The following APCDD1L variants were observed in gnomAD, a reference collection of about 807,000 sequenced individuals.
The protein encoded by APCDD1L is APC down-regulated 1 like, also known as protein APCDD1-like.
APCDD1L carries 21 observed loss-of-function variants against 24.2 expected under a neutral mutation model. The observed-to-expected ratio is 0.87, with a 90% confidence interval of 0.61 to 1.25. APCDD1L has a LOEUF of 1.25. Ranked by LOEUF, APCDD1L falls within the 50% of genes most tolerant of loss-of-function variation. The pLI is 0.00. For missense variants in APCDD1L, 704 were observed against 711.7 expected (o/e 0.99, Z 0.12); for synonymous variants, 321 against 323.6 (o/e 0.99, Z 0.09).
At chr20:58,479,823 G>A (rs143093795) in intron 1 of APCDD1L, among the ~76,000 whole-genome samples, 187 of 152,222 alleles carry the variant, frequency 1.2e-3, no homozygotes, top group Non-Finnish European at 2.2e-3. Context: ...CCCTGGCTGC[G>A]TGGCCATTAA....
At chr20:58,510,480 C>G (rs1224094841) in intron 1 of APCDD1L, among the ~76,000 whole-genome samples, 1 of 152,158 alleles carries the variant, frequency 6.6e-6, no homozygotes, top group Non-Finnish European at 1.5e-5. Flanking sequence ...TTCCAGGTGC[C>G]TGACACCACA....
In APCDD1L at chr20:58,514,719, T is replaced by G; in HGVS notation, c.-12A>C. 1 of 1,304,758 alleles carries G rather than the reference T, an allele frequency of 7.7e-7. No homozygotes were observed. Among genetic ancestry groups the G allele is most frequent in the Non-Finnish European group, 9.8e-7 (1 of 1,019,254 alleles). The allele number at this position is 1,304,758 out of a possible 1,614,324, so 80.8% of individuals were successfully genotyped here. A position where few individuals can be genotyped will look rare whatever the true frequency, so the allele number is the denominator to read the frequency against. On this transcript the variant is annotated 5_prime_UTR_variant, in exon 1 of 4. Transcript: ENST00000371149. Reference sequence around the variant, plus strand: ...ATGGCTGCGGGCATCCCGTCGGGGCTGGCAGGACCGCCCGCCGGGCGCTGC... The same window carrying G: ...ATGGCTGCGGGCATCCCGTCGGGGCGGGCAGGACCGCCCGCCGGGCGCTGC...
At chr20:58,482,685 G>C (rs918955759) in intron 1 of APCDD1L, among the ~76,000 whole-genome samples, 7 of 152,152 alleles carry the variant, frequency 4.6e-5, no homozygotes, top group Non-Finnish European at 1.0e-4. Context: ...CACATTCATG[G>C]ATCTGCTCGA....
intron 1 of APCDD1L, among the ~76,000 whole-genome samples, chr20:58,491,873 C>G (rs897326889): frequency 3.9e-5 from 6 of 152,122 alleles, no homozygotes; most frequent in Non-Finnish European, 8.8e-5. Context: ...AAAAGATAAA[C>G]AAATTGACCA....
intron 1 of APCDD1L, among the ~76,000 whole-genome samples, chr20:58,503,704 C>T (rs1446695594): frequency 1.3e-5 from 2 of 152,130 alleles, no homozygotes; most frequent in African/African-American, 2.4e-5. Flanking sequence ...CAGGGGTGTA[C>T]AGCACATATA....
chr20:58,506,499 T>C (rs1473510392), intron 1 of APCDD1L, among the ~76,000 whole-genome samples: 1 of 152,178 alleles, frequency 6.6e-6, no homozygotes, highest in Non-Finnish European at 1.5e-5. Flanking sequence ...GACACTCTTA[T>C]CTACTCAAGC....
intron 1 of APCDD1L, among the ~76,000 whole-genome samples, chr20:58,478,227 C>G (rs1989949384): frequency 6.6e-6 from 1 of 152,122 alleles, no homozygotes; most frequent in Non-Finnish European, 1.5e-5. Context: ...TCAGTCCCAT[C>G]CCTGAAACTG....
At chr20:58,498,466 A>G (rs1990366838) in intron 1 of APCDD1L, among the ~76,000 whole-genome samples, 1 of 152,244 alleles carries the variant, frequency 6.6e-6, no homozygotes, top group Non-Finnish European at 1.5e-5. Flanking sequence ...AAGAAAGAAA[A>G]AAAGGATTCT....
Position 58,515,358 on chromosome 20 carries a change from C to CA in APCDD1L, c.-652dup. 5.8e-6 allele frequency: 2 copies of CA among 344,028 alleles called. No individual in the cohort carries two copies. The highest frequency in any genetic ancestry group is 1.0e-5 in the Non-Finnish European group (2 of 192,104). The allele number at this position is 344,028 out of a possible 1,614,324, so 21.3% of individuals were successfully genotyped here. ...GGCCTCTGTCTGTAAATGAGGCCGT[C>CA]ACCCGCTCCCCACCACACCCAAACG... is the stretch of plus-strand genomic sequence containing the variant. On this transcript the variant is annotated 5_prime_UTR_variant, in exon 1 of 4. It removes the in-frame stop codon of an upstream open reading frame in the 5' UTR. Transcript: ENST00000371149.
At chr20:58,462,304 C>T (rs1989624077) in intron 3 of APCDD1L, among the ~76,000 whole-genome samples, 1 of 152,110 alleles carries the variant, frequency 6.6e-6, no homozygotes, top group Non-Finnish European at 1.5e-5. Flanking sequence ...GGAGCTGAGA[C>T]CCAGAGGGCC....
At position 58,497,709 on chromosome 20, in the gene APCDD1L, T is replaced by C. The variant is rs1323596707; in HGVS notation, c.49+16950A>G. Among the ~76,000 whole-genome samples, 1 of 152,136 alleles carries C rather than the reference T, an allele frequency of 6.6e-6. No homozygotes were observed. The highest frequency in any genetic ancestry group is 2.4e-5 in the African/African-American group (1 of 41,414). On this transcript the variant is annotated intron_variant, in intron 1 of 3. Coordinates refer to ENST00000371149, the MANE Select transcript of APCDD1L (RefSeq NM_153360.3). This position sits in a 1 kb window ranked among gnomAD's most constrained non-coding sequence, Gnocchi z 4.3. Reference sequence around the variant, plus strand: ...GCAAAGACCCTGTCTCTAAATGAGGTCACACATGCTGAGGCCCTGGGGGTC... The same window carrying C: ...GCAAAGACCCTGTCTCTAAATGAGGCCACACATGCTGAGGCCCTGGGGGTC...
At position 58,497,243 on chromosome 20, in the gene APCDD1L, G is replaced by A. The variant is rs561403055; in HGVS notation, c.49+17416C>T. Among the ~76,000 whole-genome samples the A allele has an allele frequency of 2.4e-4, 36 of 152,164 alleles. No homozygotes were observed. Among genetic ancestry groups the A allele is most frequent in the African/African-American group, 8.7e-4 (36 of 41,538 alleles). ...CGGGTGGAGGCTGAGGGGCAGATGC[G>A]GGTTTCAGGGAAGGAAGCTGTAGCA... On this transcript the variant is annotated intron_variant, in intron 1 of 3. Coordinates refer to ENST00000371149, the MANE Select transcript of APCDD1L (RefSeq NM_153360.3). This position sits in a 1 kb window ranked among gnomAD's most constrained non-coding sequence, Gnocchi z 4.3.
At chr20:58,468,017 C>G (rs1480761178) in intron 2 of APCDD1L, among the ~76,000 whole-genome samples, 1 of 152,134 alleles carries the variant, frequency 6.6e-6, no homozygotes, top group Admixed American at 6.5e-5. Flanking sequence ...TGGCCCAGAG[C>G]CCGCCCCACT....
rs144149830 is a variant in APCDD1L, at chr20:58,498,317, G to A, written c.49+16342C>T. On this transcript the variant is annotated intron_variant, in intron 1 of 3. Coordinates refer to ENST00000371149, the MANE Select transcript of APCDD1L (RefSeq NM_153360.3). The stretch of plus-strand genomic sequence containing the variant: ...AGGGCAGCATTCTAATCCAAGCCGT[G>A]GGGTAGGCTGGTTGTGGCGTTGCTG... Among the ~76,000 whole-genome samples, 277 of 152,254 alleles carry A rather than the reference G, an allele frequency of 1.8e-3. 3 individuals are homozygous for A. Among genetic ancestry groups the A allele is most frequent in the African/African-American group, 6.5e-3 (269 of 41,526 alleles).
intron 1 of APCDD1L, among the ~76,000 whole-genome samples, chr20:58,493,773 C>CT (rs1412750485): frequency 2.6e-5 from 4 of 152,164 alleles, no homozygotes; most frequent in Admixed American, 2.6e-4. Flanking sequence ...CAACGTTGTG[C>CT]TTTTTGGGAT....
intron 1 of APCDD1L, among the ~76,000 whole-genome samples, chr20:58,488,365 C>T (rs1990164577): frequency 6.6e-6 from 1 of 152,160 alleles, no homozygotes; most frequent in South Asian, 2.1e-4. Flanking sequence ...AATGTACACA[C>T]ACACTCACAC....
chr20:58,473,098 AG>A (rs774822185), intron 1 of APCDD1L, among the ~76,000 whole-genome samples: 11 of 152,242 alleles, frequency 7.2e-5, no homozygotes, highest in Non-Finnish European at 2.9e-5. Context: ...AAAAGGGGTC[AG>A]CAATATTTGC....
chr20:58,472,227 A>T, intron 1 of APCDD1L, among the ~76,000 whole-genome samples: 1 of 152,176 alleles, frequency 6.6e-6, no homozygotes, highest in East Asian at 1.9e-4. Context: ...GACGCTGATT[A>T]TGACAAGGGG....
At chr20:58,470,184 C>T (rs1989783873) in intron 2 of APCDD1L, among the ~76,000 whole-genome samples, 1 of 152,232 alleles carries the variant, frequency 6.6e-6, no homozygotes, top group South Asian at 2.1e-4. Context: ...GCTGATGTCA[C>T]CACCTCCAAG....
Sources: allele counts gnomAD v4.1 joint callset (sites outside exome capture counted in the v4.1 genomes callset), GRCh38; gene constraint gnomAD v4.1.1; non-coding constraint Gnocchi (gnomAD v3.1); transcripts MANE v1.5; gene names NCBI Gene and HGNC (gene_info 2026-07-23, HGNC 2026-07-21).